Variants in HK1 observed in about 807,000 individuals in gnomAD.
The protein encoded by HK1 is hexokinase-1.
A neutral mutation model predicts 91.6 loss-of-function variants in HK1; 28 were observed. The ratio of observed to expected loss-of-function variants is 0.31; its 90% CI spans 0.23 to 0.42. The LOEUF (loss-of-function observed/expected upper bound fraction) is 0.42. Among genes scored for constraint, HK1 ranks in the 10% least tolerant of loss-of-function variants. The pLI, the probability that HK1 is intolerant of heterozygous loss-of-function variation, is 1.00. For synonymous variants in HK1, 430 were observed against 468.1 expected (o/e 0.92, Z 1.05); for missense variants, 770 against 1,219.8 (o/e 0.63, Z 5.49).
rs745830600 is a variant in HK1, at chr10:69,310,420, CAAAAA to C, written c.27+9577_27+9581del. On this transcript the variant is annotated intron_variant, in intron 5 of 21. Coordinates refer to the HK1 transcript ENST00000360289. ...TGGGTGACAGAGCCAGACTTTGTCT[CAAAAA>C]AAAAAAAAAAAAAAAAATCCTTTCT... 5.5e-3 allele frequency among the ~76,000 whole-genome samples: 471 copies of C among 85,424 alleles called. 4 individuals carry two copies. Among genetic ancestry groups the C allele is most frequent in the African/African-American group, 0.018 (448 of 24,488 alleles). The allele number at this position is 85,424 out of a possible 152,430, so 56.0% of individuals were successfully genotyped here. A position where few individuals can be genotyped will look rare whatever the true frequency, so the allele number is the denominator to read the frequency against.
chr10:69,368,624 A>G lies in HK1; in HGVS notation c.584A>G (p.Lys195Arg). 1.2e-6 allele frequency: 2 copies of G among 1,613,666 alleles called. No individual in the cohort carries two copies. Among genetic ancestry groups the G allele is most frequent in the Non-Finnish European group, 1.7e-6 (2 of 1,179,516 alleles). Residue 195 changes from lysine (K) to arginine (R), a missense_variant, in exon 5 of 18, where the codon AAG becomes AGG. Lys to Arg is a conservative substitution (Grantham distance 26, BLOSUM62 2). Transcript: ENST00000359426. ...AAACTGCTTAACAAAGCCATCAAAA[A>G]GCGAGGGGTAATTTCTCCTGGGCCC... ...VVKLLNKAIK[K>R]RGDYDANIVA...
At chr10:69,382,448 A>G (rs1163916379) in intron 9 of HK1, 39 bp from the exon 10 acceptor site, 15 of 1,603,272 alleles carry the variant, frequency 9.4e-6, no homozygotes, top group Non-Finnish European at 1.3e-5. Context: ...ATAAATGCTC[A>G]GTCCAGCTGT....
rs746995936 is a variant in HK1 at position 69,364,866 on chromosome 10, G to C, written c.459G>C (p.Thr153=). 2 of 1,614,112 alleles carry C rather than the reference G, an allele frequency of 1.2e-6. No homozygotes were observed. The highest frequency in any genetic ancestry group is 4.5e-5 in the East Asian group (2 of 44,880). ...IKDKKLPVGF[T]FSFPCQQSKI... ...ACAAGAAGTTACCTGTGGGATTCAC[G>C]TTTTCTTTTCCTTGCCAACAATCCA... Residue 153 remains threonine, a synonymous_variant, in exon 4 of 18, where the codon ACG becomes ACC. Transcript: ENST00000359426.
At position 69,386,353 on chromosome 10, in the gene HK1, A is replaced by G. The variant is rs1839629835; in HGVS notation, c.1870A>G (p.Lys624Glu). Residue 624 changes from lysine to glutamate, a missense_variant, in exon 13 of 18, where the codon AAG (lysine) becomes GAG (glutamate). This residue lies in a region of HK1 where 152 missense variants were observed against 211.1 expected (regional missense o/e 0.72). Transcript: ENST00000359426. ...CTTGATCACGTGGACAAAGGGTTTTAAGGCAACAGACTGCGTGGGCCACGA... is the reference window on the plus strand; with the variant it reads ...CTTGATCACGTGGACAAAGGGTTTTGAGGCAACAGACTGCGTGGGCCACGA... Reference protein sequence around the residue: ...GILITWTKGFKATDCVGHDVV... With the variant: ...GILITWTKGFEATDCVGHDVV... 1 of 1,614,064 alleles carries G rather than the reference A, an allele frequency of 6.2e-7. No individual in the cohort carries two copies.
At chr10:69,384,742 C>T in intron 11 of HK1, 54 bp from the exon 12 acceptor site, 5 of 1,613,368 alleles carry the variant, frequency 3.1e-6, no homozygotes, top group Non-Finnish European at 4.2e-6. Flanking sequence ...TCCATGTGCA[C>T]TGATAAAATT....
intron 3 of HK1, among the ~76,000 whole-genome samples, chr10:69,293,917 A>G (rs12242474): frequency 0.036 from 4,771 of 132,682 alleles, 266 homozygotes; most frequent in African/African-American, 0.13. Flanking sequence ...GCTGGAGTGC[A>G]GTGGCGTGAT....
At chr10:69,366,499 G>A (rs1374334897) in intron 4 of HK1, among the ~76,000 whole-genome samples, 1 of 152,096 alleles carries the variant, frequency 6.6e-6, no homozygotes, top group Non-Finnish European at 1.5e-5. Context: ...TGAGCGCAGA[G>A]GTCTCCCCAG....
intron 1 of HK1, chr10:69,338,214 G>A (rs1486152581): frequency 3.8e-5 from 42 of 1,101,822 alleles, no homozygotes; most frequent in Non-Finnish European, 4.4e-5. Flanking sequence ...AAGAGCGCCC[G>A]CCCTGTGCAG....
chr10:69,393,939 CG>C (rs1564569888), intron 15 of HK1, among the ~76,000 whole-genome samples: 2 of 152,124 alleles, frequency 1.3e-5, no homozygotes, highest in East Asian at 1.9e-4. Flanking sequence ...GGTTAAAAAG[CG>C]GGGGGATCAG....
chr10:69,287,640 G>A (rs1372300846), intron 2 of HK1, among the ~76,000 whole-genome samples: 1 of 152,120 alleles, frequency 6.6e-6, no homozygotes, highest in African/African-American at 2.4e-5. Flanking sequence ...ATGGGTATGG[G>A]TTTCCTTATA....
At chr10:69,314,032 C>T (rs565571010), upstream of HK1, among the ~76,000 whole-genome samples, 221 of 152,256 alleles carry the variant, frequency 1.5e-3, 2 homozygotes, top group African/African-American at 5.3e-3. Flanking sequence ...GCCAGTGTCT[C>T]CTCAGCAGCC....
chr10:69,312,975 G>T (rs1309614633), upstream of HK1, among the ~76,000 whole-genome samples: 2 of 152,204 alleles, frequency 1.3e-5, no homozygotes. Flanking sequence ...TGTCCTGAAA[G>T]GTCAGGGCCT....
At chr10:69,362,626 G>A (rs961848760) in intron 3 of HK1, among the ~76,000 whole-genome samples, 4 of 152,064 alleles carry the variant, frequency 2.6e-5, no homozygotes, top group Non-Finnish European at 5.9e-5. Flanking sequence ...CTGGGGAGTT[G>A]TGTTTGGCCT....
At chr10:69,377,971 T>C (rs1839200397) in intron 8 of HK1, among the ~76,000 whole-genome samples, 1 of 152,210 alleles carries the variant, frequency 6.6e-6, no homozygotes, top group African/African-American at 2.4e-5. Context: ...CTCTGTCTCC[T>C]TGTGAAGATT....
In HK1 at chr10:69,369,672, AT is replaced by A. The variant is rs1351838203; in HGVS notation, c.875+51del. ...TAACCACATATGTGAGTTAGGGGACATTTGATGAAAGATTTGGGATGGGAGA... is the reference window on the plus strand; with the variant it reads ...TAACCACATATGTGAGTTAGGGGACATTGATGAAAGATTTGGGATGGGAGA... On this transcript the variant is annotated intron_variant, in intron 7 of 17. Coordinates refer to ENST00000359426, the MANE Select transcript of HK1 (RefSeq NM_000188.3). The surrounding 1 kb of genome is among the most constrained non-coding windows in gnomAD (Gnocchi z 4.4). 23 of 1,533,114 alleles carry A rather than the reference AT, an allele frequency of 1.5e-5. No homozygotes were observed. Among genetic ancestry groups the A allele is most frequent in the Non-Finnish European group, 2.0e-5 (22 of 1,115,232 alleles). 95.0% of individuals were successfully genotyped at this position (1,533,114 alleles called of 1,614,324 possible).
chr10:69,399,737 G>C (rs541837231), intron 17 of HK1, among the ~76,000 whole-genome samples: 1 of 152,024 alleles, frequency 6.6e-6, no homozygotes, highest in Non-Finnish European at 1.5e-5. Flanking sequence ...CTTATGAATA[G>C]GGTGACCATA....
At position 69,302,413 on chromosome 10, in the gene HK1, C is replaced by T. The variant is rs1282431165; in HGVS notation, c.27+1552C>T. ...TTTTTGAGACAGAGTCTCACTCTGT[C>T]GCCCAGGCTGGAGTGCAGTGGTGCG... is the stretch of plus-strand genomic sequence containing the variant. On this transcript the variant is annotated intron_variant, in intron 5 of 21. Transcript: ENST00000360289. Among the ~76,000 whole-genome samples, 15 of 146,468 alleles carry T rather than the reference C, an allele frequency of 1.0e-4. No individual in the cohort carries two copies. In the East Asian group the frequency reaches 2.6e-3, roughly 25 times the overall value.
At chr10:69,382,089 G>A (rs1234319054) in intron 9 of HK1, among the ~76,000 whole-genome samples, 2 of 152,200 alleles carry the variant, frequency 1.3e-5, no homozygotes, top group Non-Finnish European at 2.9e-5. Flanking sequence ...GAAAAAAGCA[G>A]GTGCAGAAAA....
At chr10:69,288,450 G>A (rs891713495) in intron 2 of HK1, among the ~76,000 whole-genome samples, 4 of 152,128 alleles carry the variant, frequency 2.6e-5, no homozygotes, top group Non-Finnish European at 5.9e-5. Context: ...CTATGATGGC[G>A]CCACTGCATT....
Sources: gnomAD v4.1 joint callset for allele counts (sites outside exome capture counted in the v4.1 genomes callset) on GRCh38, gnomAD v4.1.1 for gene constraint, gnomAD v4.1.1 regional missense constraint, Gnocchi (gnomAD v3.1) non-coding constraint, MANE v1.5 for transcripts, NCBI Gene and HGNC (gene_info 2026-07-23, HGNC 2026-07-21) for gene names.